The following DLGAP5 variants were observed in gnomAD, a reference collection of about 807,000 sequenced individuals.
DLGAP5 encodes DLG associated protein 5.
Under a neutral mutation model 99.6 loss-of-function variants are expected in DLGAP5, and 90 were observed. The ratio of observed to expected loss-of-function variants is 0.90; its 90% CI spans 0.76 to 1.08. The LOEUF (loss-of-function observed/expected upper bound fraction) is 1.08. DLGAP5 is among the 50% of genes least tolerant of loss of function. The probability of loss-of-function intolerance (pLI) is 0.00; values close to 1 mark genes in which losing one functional copy is unlikely to be tolerated. For missense variants in DLGAP5, 1,036 were observed against 983.5 expected (o/e 1.05, Z -0.71); for synonymous variants, 311 against 321.3 (o/e 0.97, Z 0.34).
intron 17 of DLGAP5, among the ~76,000 whole-genome samples, 172 bp downstream of exon 17, chr14:55,151,523 C>A (rs1882018514): frequency 1.4e-5 from 2 of 146,314 alleles, no homozygotes. Context: ...GACTCCATCT[C>A]AAAAAAAAAA....
In DLGAP5 at chr14:55,148,321, GA is replaced by G; in HGVS notation, c.*29del. On this transcript the variant is annotated 3_prime_UTR_variant, in exon 19 of 19. Coordinates refer to ENST00000247191, the MANE Select transcript of DLGAP5 (RefSeq NM_014750.5). The stretch of plus-strand genomic sequence containing the variant: ...AGGAATATATAAGCATTGATAATAT[GA>G]AGGAAAATGTTTGGATTTATTTTTA... The G allele has an allele frequency of 6.2e-7, 1 of 1,607,636 alleles. No homozygotes were observed. Among genetic ancestry groups the G allele is most frequent in the Non-Finnish European group, 8.5e-7 (1 of 1,175,678 alleles).
At chr14:55,177,472 A>C in intron 7 of DLGAP5, 136 bp from the exon 8 acceptor site, 1 of 727,036 alleles carries the variant, frequency 1.4e-6, no homozygotes, top group Non-Finnish European at 2.1e-6. Flanking sequence ...AAACAGATAC[A>C]ATTAAGTGTA....
chr14:55,155,643 T>C (rs115795156), intron 14 of DLGAP5, among the ~76,000 whole-genome samples: 1,655 of 151,984 alleles, frequency 0.011, 29 homozygotes, highest in African/African-American at 0.038. Flanking sequence ...CCACCGTGCC[T>C]GGACACAGAT....
intron 2 of DLGAP5, among the ~76,000 whole-genome samples, chr14:55,187,112 G>C (rs1883459034): frequency 6.6e-6 from 1 of 151,912 alleles, no homozygotes; most frequent in African/African-American, 2.4e-5. Context: ...CACCATGTTG[G>C]CCAGAATGGT....
At position 55,188,873 on chromosome 14, in the gene DLGAP5, C is replaced by G. The variant is rs190249453; in HGVS notation, c.238+69G>C. The G allele has an allele frequency of 3.8e-5, 44 of 1,172,796 alleles. No individual in the cohort carries two copies. The East Asian group carries it at 1.1e-3, about 29-fold the overall frequency. The allele number at this position is 1,172,796 out of a possible 1,614,324, so 72.6% of individuals were successfully genotyped here. On this transcript the variant is annotated intron_variant, in intron 2 of 18. Coordinates refer to ENST00000247191, the MANE Select transcript of DLGAP5 (RefSeq NM_014750.5). ...ACTCTTCTGGCCAGAGTTTTTTACT[C>G]ACACAGGCATTAAACCAACTATTAT... is the stretch of plus-strand genomic sequence containing the variant.
chr14:55,171,854 A>C (rs190794066), intron 10 of DLGAP5, among the ~76,000 whole-genome samples: 64 of 152,362 alleles, frequency 4.2e-4, no homozygotes, highest in Non-Finnish European at 6.8e-4. Flanking sequence ...GAAATAAGCC[A>C]GTAAAACAAG....
In DLGAP5 at chr14:55,167,929, G is replaced by A. The variant is rs74641793; in HGVS notation, c.1548+1470C>T. On this transcript the variant is annotated intron_variant, in intron 12 of 18. Coordinates refer to ENST00000247191, the MANE Select transcript of DLGAP5 (RefSeq NM_014750.5). The stretch of plus-strand genomic sequence containing the variant: ...ACAGTATCTAATTATGTAAGTTGCT[G>A]TGGGTCTACTCAGTGCTAAACACTC... Among the ~76,000 whole-genome samples the A allele has an allele frequency of 3.4e-4, 52 of 152,280 alleles. No homozygotes were observed. The East Asian group carries it at 4.1e-3, about 12-fold the overall frequency.
chr14:55,176,562 T>C (rs928153338), intron 8 of DLGAP5, among the ~76,000 whole-genome samples: 2 of 152,086 alleles, frequency 1.3e-5, no homozygotes, highest in Admixed American at 6.6e-5. Flanking sequence ...GCATAGGAAA[T>C]ATAAAAACTG....
intron 15 of DLGAP5, 52 bp from the exon 16 acceptor site, chr14:55,152,699 C>G (rs754797612): frequency 8.3e-6 from 12 of 1,445,540 alleles, no homozygotes; most frequent in Non-Finnish European, 1.0e-5. Flanking sequence ...GTTATTGTTT[C>G]ACTTGTATTT....
intron 12 of DLGAP5, among the ~76,000 whole-genome samples, chr14:55,166,984 A>ACACCT (rs1355189304): frequency 6.6e-6 from 1 of 151,876 alleles, no homozygotes. Flanking sequence ...GGCCAGGCAC[A>ACACCT]GTGGCTCACA....
At chr14:55,179,132 C>T (rs1883188891) in intron 7 of DLGAP5, among the ~76,000 whole-genome samples, 1 of 152,014 alleles carries the variant, frequency 6.6e-6, no homozygotes, top group Non-Finnish European at 1.5e-5. Context: ...TTTTTGAAGA[C>T]CTTATTAGAA....
At chr14:55,189,669 G>C (rs1049704611) in intron 1 of DLGAP5, among the ~76,000 whole-genome samples, 1 of 152,174 alleles carries the variant, frequency 6.6e-6, no homozygotes, top group Non-Finnish European at 1.5e-5. Flanking sequence ...AGATAGAGTT[G>C]GATAGAGAGG....
intron 2 of DLGAP5, among the ~76,000 whole-genome samples, chr14:55,184,524 G>A (rs1043478057): frequency 1.3e-5 from 2 of 152,130 alleles, no homozygotes; most frequent in African/African-American, 2.4e-5. Flanking sequence ...GTCTTGCCCT[G>A]TGTCATCCCC....
intron 10 of DLGAP5, among the ~76,000 whole-genome samples, 163 bp from the exon 11 acceptor site, chr14:55,170,950 T>C (rs558227805): frequency 1.1e-4 from 17 of 152,328 alleles, no homozygotes; most frequent in Non-Finnish European, 2.4e-4. Context: ...TATATTAAAA[T>C]CCATAAATAC....
Position 55,151,865 on chromosome 14 carries a change from A to T in DLGAP5, c.2198T>A (p.Val733Glu), listed in dbSNP as rs771230352. ...RMSLPLLAGGVADDINTNKKE... is the reference protein window; with the variant it reads ...RMSLPLLAGGEADDINTNKKE... ...TTTGTTAGTATTAATATCATCTGCT[A>T]CTCCACCAGCAAGAAGAGGCAAACT... Residue 733 changes from valine (V) to glutamate (E), a missense_variant, in exon 17 of 19, where the codon GTA becomes GAA. Transcript: ENST00000247191. 22 of 1,613,904 alleles carry T rather than the reference A, an allele frequency of 1.4e-5. No homozygotes were observed. The highest frequency in any genetic ancestry group is 1.7e-5 in the Non-Finnish European group (20 of 1,179,924).
Position 55,175,914 on chromosome 14 carries a change from G to A in DLGAP5, c.1154C>T (p.Pro385Leu), listed in dbSNP as rs779106237. 2 of 1,600,652 alleles carry A rather than the reference G, an allele frequency of 1.2e-6. No homozygotes were observed. The highest frequency in any genetic ancestry group is 3.3e-5 in the Admixed American group (2 of 59,762). Reference protein sequence around the residue: ...DSNKLPCPLGPLTVWHEEHVL... With the variant: ...DSNKLPCPLGLLTVWHEEHVL... The stretch of plus-strand genomic sequence containing the variant: ...TATACCTTCATGCCAAACAGTTAGA[G>A]GACCCAAAGGACATGGCAATTTATT... Residue 385 changes from proline (P) to leucine (L), a missense_variant, in exon 9 of 19, where the codon CCT becomes CTT. Coordinates refer to ENST00000247191, the MANE Select transcript of DLGAP5 (RefSeq NM_014750.5).
intron 10 of DLGAP5, among the ~76,000 whole-genome samples, chr14:55,172,682 C>T (rs186106210): frequency 1.3e-4 from 20 of 151,706 alleles, no homozygotes; most frequent in Admixed American, 2.0e-4. Flanking sequence ...CACAACATGA[C>T]GATTAATAAG....
At chr14:55,167,946 T>C (rs1427630357) in intron 12 of DLGAP5, among the ~76,000 whole-genome samples, 1 of 152,188 alleles carries the variant, frequency 6.6e-6, no homozygotes, top group Non-Finnish European at 1.5e-5. Context: ...TACTCAGTGC[T>C]AAACACTCAA....
intron 7 of DLGAP5, among the ~76,000 whole-genome samples, chr14:55,177,569 C>G (rs1883121371): frequency 6.6e-6 from 1 of 151,354 alleles, no homozygotes. Flanking sequence ...ACGGAGTAGC[C>G]CTCCGTCGCC....
Sources: gnomAD v4.1 joint callset for allele counts (sites outside exome capture counted in the v4.1 genomes callset) on GRCh38, gnomAD v4.1.1 for gene constraint, MANE v1.5 for transcripts, NCBI Gene and HGNC (gene_info 2026-07-23, HGNC 2026-07-21) for gene names.